PLAGL1: variants seen among roughly 807,000 people sequenced by gnomAD.
PLAGL1 encodes zinc finger protein PLAGL1.
PLAGL1 carries 1 observed loss-of-function variant against 4.6 expected under a neutral mutation model. The observed-to-expected ratio is 0.22, with a 90% CI of 0.08 to 1.03. PLAGL1 has a LOEUF of 1.03. PLAGL1 is among the 50% of genes least tolerant of loss of function. The probability of loss-of-function intolerance (pLI) is 0.58; values close to 1 mark genes in which losing one functional copy is unlikely to be tolerated. For missense variants in PLAGL1, 464 were observed against 570.4 expected (o/e 0.81, Z 1.90); for synonymous variants, 240 against 237.8 (o/e 1.01, Z -0.08).
rs895404074 is a variant in PLAGL1, at chr6:143,962,584, T to C, written c.-398-2042A>G. ...AGAGTGTATGAGTTCCAGGATGTGT[T>C]TTTGCTGTCACAATATGTTTTTCTA... is the stretch of plus-strand genomic sequence containing the variant. On this transcript the variant is annotated intron_variant, in intron 5 of 7. Transcript: ENST00000674357. The surrounding 1 kb of genome is among the most constrained non-coding windows in gnomAD (Gnocchi z 5.3). Among the ~76,000 whole-genome samples, 1 of 152,226 alleles carries C rather than the reference T, an allele frequency of 6.6e-6. No individual in the cohort carries two copies.
In PLAGL1 at chr6:143,997,261, G is replaced by A. The variant is rs1791841529; in HGVS notation, c.-584+10829C>T. On this transcript the variant is annotated intron_variant, in intron 1 of 7. Coordinates refer to ENST00000674357, the MANE Select transcript of PLAGL1 (RefSeq NM_001317162.2). This position sits in a 1 kb window ranked among gnomAD's most constrained non-coding sequence, Gnocchi z 4.6. ...TTGTAAACTGTTTGGCTCCCCTATG[G>A]CCTAACAATTCTAGTCTCAGATTTG... is the stretch of plus-strand genomic sequence containing the variant. 6.6e-6 allele frequency among the ~76,000 whole-genome samples: 1 copy of A among 152,150 alleles called. No individual in the cohort carries two copies. Among genetic ancestry groups the A allele is most frequent in the African/African-American group, 2.4e-5 (1 of 41,434 alleles).
rs1798361282 is a variant in PLAGL1, at chr6:144,048,752, C to T, written c.-151+15716G>A. 6.6e-6 allele frequency among the ~76,000 whole-genome samples: 1 copy of T among 152,192 alleles called. No homozygotes were observed. The highest frequency in any genetic ancestry group is 1.5e-5 in the Non-Finnish European group (1 of 68,032). The stretch of plus-strand genomic sequence containing the variant: ...GGCTGCCAAGAAGGTCTCTAACATG[C>T]CCTGAAATGTTTTCCCCATCATCTT... On this transcript the variant is annotated intron_variant, in intron 1 of 3. Coordinates refer to the PLAGL1 transcript ENST00000437412. This position sits in a 1 kb window ranked among gnomAD's most constrained non-coding sequence, Gnocchi z 4.8.
At chr6:144,025,839 G>C (rs1302619861) in intron 1 of PLAGL1, among the ~76,000 whole-genome samples, 1 of 152,140 alleles carries the variant, frequency 6.6e-6, no homozygotes, top group Admixed American at 6.5e-5. Context: ...GTTGCAGTGA[G>C]CCGAGATCAT....
rs1304199191 is a variant in PLAGL1 at position 144,039,875 on chromosome 6, G to C, written c.-151+24593C>G. ...AAAAGGCCAAAAGGTCTATCAACAA[G>C]AAAATTAATACATTGTGGCACATAA... On this transcript the variant is annotated intron_variant, in intron 1 of 3. Coordinates refer to the PLAGL1 transcript ENST00000437412. This position sits in a 1 kb window ranked among gnomAD's most constrained non-coding sequence, Gnocchi z 4.1. Among the ~76,000 whole-genome samples the C allele has an allele frequency of 6.6e-6, 1 of 152,062 alleles. No individual in the cohort carries two copies. Among genetic ancestry groups the C allele is most frequent in the Non-Finnish European group, 1.5e-5 (1 of 67,998 alleles).
chr6:144,033,103 G>A (rs1042351251), intron 1 of PLAGL1, among the ~76,000 whole-genome samples: 1 of 152,148 alleles, frequency 6.6e-6, no homozygotes, highest in African/African-American at 2.4e-5. Context: ...TAGAAAACAG[G>A]ACATCAGCAA....
rs1406964696 is a variant in PLAGL1 at position 144,022,791 on chromosome 6, TTTATAAA to T, written c.-151+41670_-151+41676del. Among the ~76,000 whole-genome samples the T allele has an allele frequency of 6.6e-6, 1 of 152,218 alleles. No individual in the cohort carries two copies. Among genetic ancestry groups the T allele is most frequent in the Non-Finnish European group, 1.5e-5 (1 of 68,034 alleles). The stretch of plus-strand genomic sequence containing the variant: ...CTGTGAGTCAATTAAACCTCTTTCC[TTTATAAA>T]TTATGCAGTCTCAGGTATGTCTTTA... On this transcript the variant is annotated intron_variant, in intron 1 of 3. Coordinates refer to the PLAGL1 transcript ENST00000437412. The surrounding 1 kb of genome is among the most constrained non-coding windows in gnomAD (Gnocchi z 4.2).
chr6:143,994,563 G>A lies in PLAGL1; in HGVS notation c.-583-9389C>T, dbSNP rs1400846303. On this transcript the variant is annotated intron_variant, in intron 1 of 7. Transcript: ENST00000674357. This position sits in a 1 kb window ranked among gnomAD's most constrained non-coding sequence, Gnocchi z 4.3. ...AAGTAGGAACGAAATGAAACTAATG[G>A]CATTATAAATACTACTATTATTCGC... is the stretch of plus-strand genomic sequence containing the variant. Among the ~76,000 whole-genome samples the A allele has an allele frequency of 1.3e-5, 2 of 152,140 alleles. No individual in the cohort carries two copies. The highest frequency in any genetic ancestry group is 2.9e-5 in the Non-Finnish European group (2 of 68,034).
rs1370664715 is a variant in PLAGL1, at chr6:144,004,664, T to C, written c.-584+3426A>G. Among the ~76,000 whole-genome samples the C allele has an allele frequency of 6.6e-6, 1 of 152,194 alleles. No individual in the cohort carries two copies. The highest frequency in any genetic ancestry group is 1.5e-5 in the Non-Finnish European group (1 of 68,042). ...TATCTGGGTAGTAATCACAAAGGTA[T>C]ACACATATGTAAATTTCACCAAGCT... On this transcript the variant is annotated intron_variant, in intron 1 of 7. Transcript: ENST00000674357. The surrounding 1 kb of genome is among the most constrained non-coding windows in gnomAD (Gnocchi z 4.2).
In PLAGL1 at chr6:143,986,481, T is replaced by C. The variant is rs553993534; in HGVS notation, c.-583-1307A>G. Among the ~76,000 whole-genome samples the C allele has an allele frequency of 2.0e-5, 3 of 152,256 alleles. No homozygotes were observed. The East Asian group carries it at 5.8e-4, about 29-fold the overall frequency. On this transcript the variant is annotated intron_variant, in intron 1 of 7. Transcript: ENST00000674357. ...GGATTGACAGGCAGCAGTTTATACATAGTCAAGATTACTCTTGAAAAAGAC... is the reference window on the plus strand; with the variant it reads ...GGATTGACAGGCAGCAGTTTATACACAGTCAAGATTACTCTTGAAAAAGAC...
intron 1 of PLAGL1, among the ~76,000 whole-genome samples, chr6:144,033,607 G>GTTATATA: frequency 6.6e-6 from 1 of 152,190 alleles, no homozygotes; most frequent in African/African-American, 2.4e-5. Flanking sequence ...CTAGTAGAAA[G>GTTATATA]CTTAGTGAAA....
intron 7 of PLAGL1, among the ~76,000 whole-genome samples, chr6:143,946,526 A>G (rs894428790): frequency 4.6e-5 from 7 of 152,384 alleles, no homozygotes; most frequent in African/African-American, 1.4e-4. Context: ...TATAGAAGAC[A>G]TTTGAATTTT....
At chr6:144,038,867 T>G (rs1041748786) in intron 1 of PLAGL1, among the ~76,000 whole-genome samples, 1 of 152,194 alleles carries the variant, frequency 6.6e-6, no homozygotes, top group Non-Finnish European at 1.5e-5. Context: ...GAAAAAGTCA[T>G]AAACTTGATT....
At position 143,950,621 on chromosome 6, in the gene PLAGL1, T is replaced by C. The variant is rs1780849684; in HGVS notation, c.-324-2161A>G. Among the ~76,000 whole-genome samples, 1 of 152,228 alleles carries C rather than the reference T, an allele frequency of 6.6e-6. No homozygotes were observed. Among genetic ancestry groups the C allele is most frequent in the Admixed American group, 6.5e-5 (1 of 15,286 alleles). On this transcript the variant is annotated intron_variant, in intron 6 of 7. Coordinates refer to ENST00000674357, the MANE Select transcript of PLAGL1 (RefSeq NM_001317162.2). The surrounding 1 kb of genome is among the most constrained non-coding windows in gnomAD (Gnocchi z 6.3). ...ATCTTTTTCTCATTCCCTTTATAGC[T>C]GAACTCAAAATAGCACTCGTCCCAC... is the stretch of plus-strand genomic sequence containing the variant.
At chr6:144,035,468 TCTC>T (rs889955615) in intron 1 of PLAGL1, among the ~76,000 whole-genome samples, 8 of 152,176 alleles carry the variant, frequency 5.3e-5, no homozygotes, top group African/African-American at 1.9e-4. Context: ...CCTCCCATCT[TCTC>T]CTGCCTGCTT....
In PLAGL1 at chr6:143,954,094, G is replaced by A. The variant is rs1024259899; in HGVS notation, c.-324-5634C>T. On this transcript the variant is annotated intron_variant, in intron 6 of 7. Coordinates refer to ENST00000674357, the MANE Select transcript of PLAGL1 (RefSeq NM_001317162.2). The surrounding 1 kb of genome is among the most constrained non-coding windows in gnomAD (Gnocchi z 5.1). The stretch of plus-strand genomic sequence containing the variant: ...AAGCTGACCAGCCCAAGAGAAAAGA[G>A]CAAACCATAAGGACAAAGGGGGTTT... 6.6e-6 allele frequency among the ~76,000 whole-genome samples: 1 copy of A among 152,130 alleles called. No homozygotes were observed. The highest frequency in any genetic ancestry group is 1.5e-5 in the Non-Finnish European group (1 of 68,024).
chr6:143,967,835 C>G (rs77203559), intron 3 of PLAGL1: 18,146 of 151,944 alleles, frequency 0.12, 1,346 homozygotes, highest in Non-Finnish European at 0.16. Context: ...CTGTGGACAG[C>G]CTTCCTAGAA....
Position 144,027,045 on chromosome 6 carries a change from C to T in PLAGL1, c.-151+37423G>A, listed in dbSNP as rs1289159205. ...TGGGTAAAAAAGTAAGACCCCACCC[C>T]CCGACTCTACAAAAACAAAATTAAA... is the stretch of plus-strand genomic sequence containing the variant. On this transcript the variant is annotated intron_variant, in intron 1 of 3. Coordinates refer to the PLAGL1 transcript ENST00000437412. This position sits in a 1 kb window ranked among gnomAD's most constrained non-coding sequence, Gnocchi z 5.8. Among the ~76,000 whole-genome samples the T allele has an allele frequency of 6.6e-6, 1 of 151,698 alleles. No individual in the cohort carries two copies. Among genetic ancestry groups the T allele is most frequent in the East Asian group, 1.9e-4 (1 of 5,174 alleles).
In PLAGL1 at chr6:143,971,295, T is replaced by A. The variant is rs1211151861; in HGVS notation, c.-543-2317A>T. On this transcript the variant is annotated intron_variant, in intron 2 of 7. Coordinates refer to ENST00000674357, the MANE Select transcript of PLAGL1 (RefSeq NM_001317162.2). The surrounding 1 kb of genome is among the most constrained non-coding windows in gnomAD (Gnocchi z 4.7). ...CAATTCACAAATGTGTAAACCTCTA[T>A]TTTAAATTTTACCTCTACCATTAAT... Among the ~76,000 whole-genome samples the A allele has an allele frequency of 6.6e-6, 1 of 152,214 alleles. No homozygotes were observed. Among genetic ancestry groups the A allele is most frequent in the Non-Finnish European group, 1.5e-5 (1 of 68,028 alleles).
chr6:143,967,168 C>T (rs184862871), intron 3 of PLAGL1: 15 of 152,238 alleles, frequency 9.9e-5, no homozygotes, highest in Admixed American at 7.8e-4. Context: ...TGCATAACTT[C>T]TCTAAGCCTC....
Sources: allele counts gnomAD v4.1 joint callset (sites outside exome capture counted in the v4.1 genomes callset), GRCh38; gene constraint gnomAD v4.1.1; non-coding constraint Gnocchi (gnomAD v3.1); transcripts MANE v1.5; gene names NCBI Gene and HGNC (gene_info 2026-07-23, HGNC 2026-07-21).